The following UBE2G2 variants were observed in gnomAD, a reference collection of about 807,000 sequenced individuals.
UBE2G2 encodes ubiquitin conjugating enzyme E2 G2, also known as ubiquitin-conjugating enzyme E2 G2.
Under a neutral mutation model 23.0 loss-of-function variants are expected in UBE2G2, and 10 were observed. The ratio of observed to expected loss-of-function variants is 0.43; its 90% CI spans 0.27 to 0.74. UBE2G2 has a LOEUF of 0.74. Ranked by LOEUF, UBE2G2 falls within the 30% of genes least tolerant of loss-of-function variation. UBE2G2 has a pLI of 0.19. For missense variants in UBE2G2, 150 were observed against 218.3 expected, an observed-to-expected ratio of 0.69 and a Z score of 1.97; for synonymous variants, 86 against 81.3, an observed-to-expected ratio of 1.06 and a Z score of -0.31.
chr21:44,772,317 C>A lies in UBE2G2; in HGVS notation c.386-828G>T, dbSNP rs1274665880. Among the ~76,000 whole-genome samples, 1 of 152,102 alleles carries A rather than the reference C, an allele frequency of 6.6e-6. No homozygotes were observed. Among genetic ancestry groups the A allele is most frequent in the East Asian group, 1.9e-4 (1 of 5,190 alleles). Reference sequence around the variant, plus strand: ...ACATGAAGAGGGTTCACGCCTCAGCCCTCTCAGGATACACACTCGCGTCAC... The same window carrying A: ...ACATGAAGAGGGTTCACGCCTCAGCACTCTCAGGATACACACTCGCGTCAC... On this transcript the variant is annotated intron_variant, in intron 5 of 5. Transcript: ENST00000345496. This position sits in a 1 kb window ranked among gnomAD's most constrained non-coding sequence, Gnocchi z 5.4.
intron 3 of UBE2G2, among the ~76,000 whole-genome samples, chr21:44,786,374 C>T (rs2082996758): frequency 6.6e-6 from 1 of 152,202 alleles, no homozygotes; most frequent in Non-Finnish European, 1.5e-5. Context: ...GGCCACATTA[C>T]ACACAAACAC....
At chr21:44,793,463 G>A (rs1468324927) in intron 1 of UBE2G2, among the ~76,000 whole-genome samples, 1 of 152,206 alleles carries the variant, frequency 6.6e-6, no homozygotes, top group East Asian at 1.9e-4. Context: ...CCGGGTGTGC[G>A]CTGGCCTTCC....
At chr21:44,783,906 G>C (rs2082974988) in intron 3 of UBE2G2, among the ~76,000 whole-genome samples, 3 of 152,208 alleles carry the variant, frequency 2.0e-5, no homozygotes, top group African/African-American at 7.2e-5. Context: ...TGTAATCCCA[G>C]CACTTTGGGA....
intron 1 of UBE2G2, among the ~76,000 whole-genome samples, chr21:44,799,163 T>C (rs2083116198): frequency 6.6e-6 from 1 of 152,206 alleles, no homozygotes; most frequent in African/African-American, 2.4e-5. Context: ...CCAGGTTGTT[T>C]TTCCATCTCT....
chr21:44,794,745 C>A (rs235273), intron 1 of UBE2G2, among the ~76,000 whole-genome samples: 118,371 of 151,958 alleles, frequency 0.78, 46,708 homozygotes, highest in African/African-American at 0.91. Context: ...CGTGTTAGCC[C>A]GGATGGTCTC....
intron 1 of UBE2G2, among the ~76,000 whole-genome samples, chr21:44,797,555 C>T: frequency 6.6e-6 from 1 of 151,374 alleles, no homozygotes; most frequent in Non-Finnish European, 1.5e-5. Flanking sequence ...TCTCTACTAA[C>T]AATACAAAAA....
Position 44,777,290 on chromosome 21 carries a change from A to G in UBE2G2, c.244+9T>C, listed in dbSNP as rs371886757. ...TGGTACCACAAAAACTACTTCCAAA[A>G]GCACTTACTGTTGGGATGAAACATC... On this transcript the variant is annotated intron_variant, in intron 4 of 5. Coordinates refer to ENST00000345496, the MANE Select transcript of UBE2G2 (RefSeq NM_003343.6). 1.2e-6 allele frequency: 2 copies of G among 1,612,696 alleles called. No individual in the cohort carries two copies. The highest frequency in any genetic ancestry group is 1.7e-6 in the Non-Finnish European group (2 of 1,178,888).
At chr21:44,796,712 G>A (rs1289201154) in intron 1 of UBE2G2, among the ~76,000 whole-genome samples, 12 of 152,194 alleles carry the variant, frequency 7.9e-5, no homozygotes, top group Admixed American at 5.9e-4. Context: ...TCAGAAGTCT[G>A]GACACAGCAT....
chr21:44,783,682 A>G (rs1314815759), intron 3 of UBE2G2, among the ~76,000 whole-genome samples: 1 of 152,238 alleles, frequency 6.6e-6, no homozygotes, highest in Non-Finnish European at 1.5e-5. Context: ...TAGTCAGAGG[A>G]AAGAGCAGGG....
chr21:44,797,672 G>A (rs1487670211), intron 1 of UBE2G2, among the ~76,000 whole-genome samples: 9 of 120,266 alleles, frequency 7.5e-5, no homozygotes, highest in Non-Finnish European at 1.0e-4. Context: ...TCAAGATTGC[G>A]CCACTGCACT....
At position 44,785,379 on chromosome 21, in the gene UBE2G2, T is replaced by G. The variant is rs140922371; in HGVS notation, c.125+2541A>C. Reference sequence around the variant, plus strand: ...CCTCTCATTCACTAATCTGTTCTATTCTCCATCCTAATCCCTCAACCCTGG... The same window carrying G: ...CCTCTCATTCACTAATCTGTTCTATGCTCCATCCTAATCCCTCAACCCTGG... On this transcript the variant is annotated intron_variant, in intron 3 of 5. Coordinates refer to ENST00000345496, the MANE Select transcript of UBE2G2 (RefSeq NM_003343.6). Among the ~76,000 whole-genome samples, 460 of 152,322 alleles carry G rather than the reference T, an allele frequency of 3.0e-3. 6 individuals carry two copies. The highest frequency in any genetic ancestry group is 0.01 in the African/African-American group (435 of 41,564).
At chr21:44,799,336 T>C (rs933065662) in intron 1 of UBE2G2, among the ~76,000 whole-genome samples, 18 of 152,252 alleles carry the variant, frequency 1.2e-4, no homozygotes, top group African/African-American at 4.3e-4. Context: ...TCTAGCTGTT[T>C]ACGTTGTATA....
intron 4 of UBE2G2, 68 bp from the exon 5 acceptor site, chr21:44,773,755 G>T (rs781830540): frequency 1.9e-6 from 3 of 1,571,980 alleles, no homozygotes; most frequent in Admixed American, 1.7e-5. Flanking sequence ...GCTTGGGCAG[G>T]CTCCACAGAT....
chr21:44,783,133 AG>A (rs2082969152), intron 3 of UBE2G2, among the ~76,000 whole-genome samples: 1 of 152,258 alleles, frequency 6.6e-6, no homozygotes, highest in Non-Finnish European at 1.5e-5. Flanking sequence ...AGTTCACCAA[AG>A]AAGATACATG....
intron 1 of UBE2G2, chr21:44,801,487 G>A (rs1441967427): frequency 4.5e-6 from 5 of 1,105,858 alleles, no homozygotes; most frequent in Non-Finnish European, 5.9e-6. Flanking sequence ...CGCCGGCGCT[G>A]CCTTTACTGA....
chr21:44,774,861 A>G (rs1555960380), intron 4 of UBE2G2: 1 of 383,040 alleles, frequency 2.6e-6, no homozygotes, highest in African/African-American at 2.1e-5. Flanking sequence ...TGTCCCTGCC[A>G]CAGCCCCTCC....
At chr21:44,782,186 T>A (rs1189638328) in intron 3 of UBE2G2, among the ~76,000 whole-genome samples, 1 of 152,272 alleles carries the variant, frequency 6.6e-6, no homozygotes, top group East Asian at 1.9e-4. Flanking sequence ...GTAACCAGAG[T>A]TAAGTTTGGT....
At chr21:44,784,730 C>T (rs781790447) in intron 3 of UBE2G2, among the ~76,000 whole-genome samples, 5 of 152,112 alleles carry the variant, frequency 3.3e-5, no homozygotes, top group Admixed American at 6.5e-5. Flanking sequence ...AGCTGGAGAA[C>T]CTGGGAGCAT....
At chr21:44,790,481 T>C (rs1307484415) in intron 1 of UBE2G2, among the ~76,000 whole-genome samples, 1 of 152,248 alleles carries the variant, frequency 6.6e-6, no homozygotes, top group Non-Finnish European at 1.5e-5. Flanking sequence ...TCTTGAATTG[T>C]AATCTCCAGG....
Sources: gnomAD v4.1 joint callset for allele counts (sites outside exome capture counted in the v4.1 genomes callset) on GRCh38, gnomAD v4.1.1 for gene constraint, Gnocchi (gnomAD v3.1) non-coding constraint, MANE v1.5 for transcripts, NCBI Gene and HGNC (gene_info 2026-07-23, HGNC 2026-07-21) for gene names.